ARFGEF2: variants seen among roughly 807,000 people sequenced by gnomAD.
The protein encoded by ARFGEF2 is brefeldin A-inhibited guanine nucleotide-exchange protein 2.
In ARFGEF2, 74 loss-of-function variants were observed where a neutral mutation model predicts 219.9. The ratio of observed to expected loss-of-function variants is 0.34; its 90% CI spans 0.28 to 0.41. The LOEUF (loss-of-function observed/expected upper bound fraction) is 0.41. Ranked by LOEUF, ARFGEF2 falls within the 10% of genes least tolerant of loss-of-function variation. The pLI, the probability that ARFGEF2 is intolerant of heterozygous loss-of-function variation, is 1.00. For missense variants in ARFGEF2, 1,743 were observed against 2,218.3 expected (o/e 0.79, Z 4.30); for synonymous variants, 733 against 799.2 (o/e 0.92, Z 1.40).
intron 3 of ARFGEF2, among the ~76,000 whole-genome samples, chr20:48,948,017 C>T (rs2091039150): frequency 6.6e-6 from 1 of 152,132 alleles, no homozygotes; most frequent in Non-Finnish European, 1.5e-5. Context: ...CTGTTTATAC[C>T]ATAAACATTA....
At chr20:49,025,271 ATCT>A (rs756350987) in intron 35 of ARFGEF2, 39 bp from the exon 36 acceptor site, 2 of 1,582,104 alleles carry the variant, frequency 1.3e-6, no homozygotes, top group Admixed American at 3.6e-5. Context: ...AGAGCATTCC[ATCT>A]TCTTCATTAG....
intron 3 of ARFGEF2, among the ~76,000 whole-genome samples, chr20:48,950,811 A>AAATAT (rs1176537072): frequency 7.8e-5 from 5 of 64,512 alleles, no homozygotes; most frequent in Admixed American, 2.3e-4. Context: ...AAAAAAAAAA[A>AAATAT]ATATATATAT....
chr20:48,950,577 T>G (rs1488533083), intron 3 of ARFGEF2, among the ~76,000 whole-genome samples: 1 of 151,572 alleles, frequency 6.6e-6, no homozygotes, highest in East Asian at 1.9e-4. Context: ...GAGGATCGCT[T>G]GAGCCCAAGA....
At chr20:49,012,770 G>T (rs184039611) in intron 28 of ARFGEF2, among the ~76,000 whole-genome samples, 13 of 152,272 alleles carry the variant, frequency 8.5e-5, no homozygotes, top group Admixed American at 2.6e-4. Flanking sequence ...ACCATTCTAG[G>T]TATTTTCTGT....
intron 7 of ARFGEF2, among the ~76,000 whole-genome samples, chr20:48,965,255 A>C (rs1382010706): frequency 6.6e-6 from 1 of 152,208 alleles, no homozygotes; most frequent in African/African-American, 2.4e-5. Flanking sequence ...TATTGAATGA[A>C]ATATGCTTTG....
At chr20:48,992,224 G>T (rs955707445) in intron 21 of ARFGEF2, among the ~76,000 whole-genome samples, 4 of 152,226 alleles carry the variant, frequency 2.6e-5, no homozygotes, top group African/African-American at 9.6e-5. Flanking sequence ...AATACACAGA[G>T]AATGCAGTTT....
intron 25 of ARFGEF2, among the ~76,000 whole-genome samples, chr20:48,999,771 A>AATGT (rs1208793774): frequency 6.6e-6 from 1 of 151,388 alleles, no homozygotes; most frequent in Admixed American, 6.6e-5. Context: ...AAAAAAAAGA[A>AATGT]ATGTATGTAT....
chr20:48,949,794 A>T (rs1165675558), intron 3 of ARFGEF2, among the ~76,000 whole-genome samples: 1 of 152,280 alleles, frequency 6.6e-6, no homozygotes, highest in African/African-American at 2.4e-5. Context: ...GGGCAGAAGC[A>T]TGTGACCAGT....
intron 37 of ARFGEF2, among the ~76,000 whole-genome samples, chr20:49,029,179 A>G (rs1302467978): frequency 1.3e-5 from 2 of 152,238 alleles, no homozygotes; most frequent in Non-Finnish European, 2.9e-5. Flanking sequence ...AGCCCCAGCC[A>G]GAAAAGTAGG....
At position 49,036,565 on chromosome 20, in the gene ARFGEF2, G is replaced by T. The variant is rs932889319; in HGVS notation, c.*3366G>T. On this transcript the variant is annotated 3_prime_UTR_variant, in exon 39 of 39. Transcript: ENST00000371917. The stretch of plus-strand genomic sequence containing the variant: ...TTGCCCAATGGATGTATAAATTTTT[G>T]AAAGAATAAGCAGAATTATATAATA... The T allele has an allele frequency of 2.2e-5, 5 of 231,760 alleles. No individual in the cohort carries two copies. The highest frequency in any genetic ancestry group is 1.1e-4 in the African/African-American group (5 of 44,800). 14.4% of individuals were successfully genotyped at this position (231,760 alleles called of 1,614,324 possible). A position where few individuals can be genotyped will look rare whatever the true frequency, so the allele number is the denominator to read the frequency against.
At chr20:49,007,150 A>G (rs909858084) in intron 26 of ARFGEF2, among the ~76,000 whole-genome samples, 1 of 152,178 alleles carries the variant, frequency 6.6e-6, no homozygotes, top group Non-Finnish European at 1.5e-5. Context: ...GATTCTGTGC[A>G]CATTTGGAAA....
At chr20:48,982,903 T>A (rs993123150) in intron 14 of ARFGEF2, among the ~76,000 whole-genome samples, 1 of 152,210 alleles carries the variant, frequency 6.6e-6, no homozygotes, top group African/African-American at 2.4e-5. Flanking sequence ...CAGTCTGTCA[T>A]GGCTTCCCTT....
At chr20:49,001,842 A>G (rs148469908) in intron 25 of ARFGEF2, among the ~76,000 whole-genome samples, 16 of 152,366 alleles carry the variant, frequency 1.1e-4, no homozygotes, top group Non-Finnish European at 1.6e-4. Flanking sequence ...GCTTTTTAAA[A>G]AAATTATACA....
intron 1 of ARFGEF2, among the ~76,000 whole-genome samples, chr20:48,924,158 GT>G (rs2090861204): frequency 6.6e-6 from 1 of 152,180 alleles, no homozygotes; most frequent in Non-Finnish European, 1.5e-5. Flanking sequence ...AGAATGCCTG[GT>G]GATATTTCTC....
At chr20:48,966,092 C>CT in intron 8 of ARFGEF2, 69 bp downstream of exon 8, 1 of 1,589,094 alleles carries the variant, frequency 6.3e-7, no homozygotes, top group South Asian at 1.1e-5. Flanking sequence ...AGAATTAAGT[C>CT]TTTCCTCAAA....
chr20:48,961,876 A>T (rs2091155074), intron 6 of ARFGEF2, among the ~76,000 whole-genome samples: 1 of 151,182 alleles, frequency 6.6e-6, no homozygotes, highest in African/African-American at 2.4e-5. Context: ...AAAAAAAAAA[A>T]GTATAATAAA....
chr20:49,021,943 T>A (rs569193303), intron 34 of ARFGEF2, among the ~76,000 whole-genome samples: 11 of 140,512 alleles, frequency 7.8e-5, no homozygotes, highest in Middle Eastern at 4.5e-3. Flanking sequence ...AGGTCAGGAG[T>A]TTGAGACCAG....
At chr20:48,976,475 A>G (rs1232085575) in intron 14 of ARFGEF2, among the ~76,000 whole-genome samples, 1 of 152,150 alleles carries the variant, frequency 6.6e-6, no homozygotes, top group African/African-American at 2.4e-5. Context: ...GAAAATACAG[A>G]AAAGTATAAA....
chr20:48,973,960 A>G (rs1209676191), intron 12 of ARFGEF2, among the ~76,000 whole-genome samples: 2 of 151,902 alleles, frequency 1.3e-5, no homozygotes, highest in Admixed American at 6.6e-5. Context: ...GAAAATCAGT[A>G]TTTTTATTTA....
Sources: gnomAD v4.1 joint callset for allele counts (sites outside exome capture counted in the v4.1 genomes callset) on GRCh38, gnomAD v4.1.1 for gene constraint, MANE v1.5 for transcripts, NCBI Gene and HGNC (gene_info 2026-07-23, HGNC 2026-07-21) for gene names.